The following PPP2CA variants were observed in gnomAD, a reference collection of about 807,000 sequenced individuals.
PPP2CA encodes the protein serine/threonine-protein phosphatase 2A catalytic subunit alpha isoform.
In PPP2CA, 5 loss-of-function variants were observed where a neutral mutation model predicts 38.8. That is an observed-to-expected ratio of 0.13 (90% CI 0.07 to 0.27). The LOEUF is 0.27. Ranked by LOEUF, PPP2CA falls within the 10% of genes least tolerant of loss-of-function variation. The pLI is 1.00. For missense variants in PPP2CA, 88 were observed against 389.7 expected, an observed-to-expected ratio of 0.23 and a Z score of 6.52; for synonymous variants, 152 against 134.0, an observed-to-expected ratio of 1.13 and a Z score of -0.93.
At chr5:134,220,458 A>G (rs1310603496) in intron 1 of PPP2CA, among the ~76,000 whole-genome samples, 1 of 139,704 alleles carries the variant, frequency 7.2e-6, no homozygotes, top group Non-Finnish European at 1.5e-5. Context: ...CTCTATCTCA[A>G]AAAAAAAAAA....
chr5:134,200,047 T>C (rs918326906), intron 5 of PPP2CA, among the ~76,000 whole-genome samples: 22 of 152,342 alleles, frequency 1.4e-4, no homozygotes, highest in African/African-American at 5.3e-4. Flanking sequence ...TAAAATATCA[T>C]ACATGCACAC....
intron 5 of PPP2CA, chr5:134,199,559 A>G (rs974519999): frequency 5.3e-5 from 9 of 170,216 alleles, no homozygotes; most frequent in African/African-American, 2.1e-4. Context: ...TGGCCTTAAA[A>G]CATGATTTAA....
chr5:134,213,384 A>AT (rs1762248604), intron 1 of PPP2CA, among the ~76,000 whole-genome samples: 1 of 150,958 alleles, frequency 6.6e-6, no homozygotes, highest in African/African-American at 2.4e-5. Context: ...TATACTGAAT[A>AT]TTTTAAGTGC....
intron 2 of PPP2CA, among the ~76,000 whole-genome samples, chr5:134,203,046 T>C (rs1166728620): frequency 6.6e-6 from 1 of 152,226 alleles, no homozygotes; most frequent in Non-Finnish European, 1.5e-5. Flanking sequence ...TCTATTCAAA[T>C]ATTTTGCCCA....
chr5:134,224,697 T>G (rs1435260327), intron 1 of PPP2CA, among the ~76,000 whole-genome samples: 1 of 152,234 alleles, frequency 6.6e-6, no homozygotes, highest in African/African-American at 2.4e-5. Flanking sequence ...ACAAAGCTAA[T>G]AGCTAAATTA....
At chr5:134,211,582 T>G (rs913541678) in intron 1 of PPP2CA, among the ~76,000 whole-genome samples, 1 of 151,494 alleles carries the variant, frequency 6.6e-6, no homozygotes, top group Non-Finnish European at 1.5e-5. Context: ...GTTCAAGTGA[T>G]TCTCCTGCCT....
Position 134,196,698 on chromosome 5 carries a change from C to A in PPP2CA, c.*1074G>T, listed in dbSNP as rs1268610445. On this transcript the variant is annotated 3_prime_UTR_variant, in exon 7 of 7. Transcript: ENST00000481195. The stretch of plus-strand genomic sequence containing the variant: ...GCAATATAATATTCATAACCAGAAA[C>A]TGCACTAAGTAAACACATCATTTAG... 6.6e-6 allele frequency: 1 copy of A among 152,176 alleles called. No individual in the cohort carries two copies. Among genetic ancestry groups the A allele is most frequent in the African/African-American group, 2.4e-5 (1 of 41,446 alleles). The allele number at this position is 152,176 out of a possible 1,614,324, so 9.4% of individuals were successfully genotyped here. A position where few individuals can be genotyped will look rare whatever the true frequency, so the allele number is the denominator to read the frequency against.
chr5:134,225,046 T>C (rs1458444513), intron 1 of PPP2CA, among the ~76,000 whole-genome samples: 1 of 152,246 alleles, frequency 6.6e-6, no homozygotes, highest in Non-Finnish European at 1.5e-5. Context: ...AACCGACACT[T>C]GATTTCCAAT....
At chr5:134,204,457 A>C (rs1762034875) in intron 2 of PPP2CA, among the ~76,000 whole-genome samples, 1 of 152,118 alleles carries the variant, frequency 6.6e-6, no homozygotes, top group Admixed American at 6.5e-5. Flanking sequence ...CATTTCTACC[A>C]TTCTAGATTT....
In PPP2CA at chr5:134,195,945, A is replaced by G. The variant is rs1272521947; in HGVS notation, c.*1827T>C. ...CTGATATCACAGGACCGGAAAAAATAGCTGCTTGGTGTCTAGATTGTTTGG... is the reference window on the plus strand; with the variant it reads ...CTGATATCACAGGACCGGAAAAAATGGCTGCTTGGTGTCTAGATTGTTTGG... On this transcript the variant is annotated 3_prime_UTR_variant, in exon 7 of 7. Transcript: ENST00000481195. The G allele has an allele frequency of 6.6e-6, 1 of 152,244 alleles. No individual in the cohort carries two copies. The highest frequency in any genetic ancestry group is 1.9e-4 in the East Asian group (1 of 5,194). The allele number at this position is 152,244 out of a possible 1,614,324, so 9.4% of individuals were successfully genotyped here.
intron 1 of PPP2CA, among the ~76,000 whole-genome samples, chr5:134,209,753 G>C (rs1762163940): frequency 6.9e-6 from 1 of 145,260 alleles, no homozygotes. Flanking sequence ...ACTACAGCCA[G>C]AGTGACAGAG....
chr5:134,199,459 C>T, intron 5 of PPP2CA: 1 of 313,996 alleles, frequency 3.2e-6, no homozygotes, highest in African/African-American at 2.2e-5. Context: ...AAGGCTTTAA[C>T]AAACAGCAGC....
chr5:134,215,308 G>T (rs1762293146), intron 1 of PPP2CA, among the ~76,000 whole-genome samples: 2 of 152,060 alleles, frequency 1.3e-5, no homozygotes. Context: ...AGTGGCTCAC[G>T]CCTGTAATCC....
At chr5:134,205,540 C>A in intron 2 of PPP2CA, 1 of 97,546 alleles carries the variant, frequency 1.0e-5, no homozygotes, top group Admixed American at 8.4e-5. Flanking sequence ...CGCCACCACC[C>A]CCGGCTAGTT....
At chr5:134,198,128 C>T (rs191808195) in intron 6 of PPP2CA, among the ~76,000 whole-genome samples, 1 of 152,156 alleles carries the variant, frequency 6.6e-6, no homozygotes, top group Non-Finnish European at 1.5e-5. Context: ...CAGTGGCTCA[C>T]GCCTGTAATC....
At chr5:134,220,684 C>T (rs1397248967) in intron 1 of PPP2CA, among the ~76,000 whole-genome samples, 1 of 152,118 alleles carries the variant, frequency 6.6e-6, no homozygotes, top group South Asian at 2.1e-4. Context: ...CCCACCAAAC[C>T]CAGTCTCTTA....
chr5:134,212,412 A>G (rs570717368), intron 1 of PPP2CA, among the ~76,000 whole-genome samples: 3 of 152,322 alleles, frequency 2.0e-5, no homozygotes, highest in African/African-American at 7.2e-5. Flanking sequence ...GCTGTGGGGC[A>G]CTACCAACCG....
At chr5:134,214,372 T>C (rs1049751230) in intron 1 of PPP2CA, among the ~76,000 whole-genome samples, 2 of 152,218 alleles carry the variant, frequency 1.3e-5, no homozygotes, top group African/African-American at 4.8e-5. Context: ...CCCTTCTAAA[T>C]AGACCTATAC....
chr5:134,217,629 G>GT (rs1294211254), intron 1 of PPP2CA, among the ~76,000 whole-genome samples: 1 of 152,176 alleles, frequency 6.6e-6, no homozygotes. Flanking sequence ...AAAATCCAAG[G>GT]TTTGTGATAA....
Sources: gnomAD v4.1 joint callset for allele counts (sites outside exome capture counted in the v4.1 genomes callset) on GRCh38, gnomAD v4.1.1 for gene constraint, MANE v1.5 for transcripts, NCBI Gene and HGNC (gene_info 2026-07-23, HGNC 2026-07-21) for gene names.